The following ITFG2 variants were observed in gnomAD, a reference collection of about 807,000 sequenced individuals.
The protein encoded by ITFG2 is KICSTOR complex protein ITFG2.
In ITFG2, 36 loss-of-function variants were observed where a neutral mutation model predicts 54.4. The ratio of observed to expected loss-of-function variants is 0.66; its 90% CI spans 0.51 to 0.87. The LOEUF is 0.87. Ranked by LOEUF, ITFG2 falls within the 40% of genes least tolerant of loss-of-function variation. ITFG2 has a pLI of 0.00. For synonymous variants in ITFG2, 211 were observed against 225.4 expected (o/e 0.94, Z 0.57); for missense variants, 524 against 576.7 (o/e 0.91, Z 0.94).
intron 2 of ITFG2, among the ~76,000 whole-genome samples, chr12:2,844,976 G>T (rs141341249): frequency 0.016 from 2,370 of 152,304 alleles, 37 homozygotes; most frequent in Non-Finnish European, 0.025. Context: ...CTCTGCCCTG[G>T]GACTGGCAGG....
chr12:2,845,470 C>T lies in ITFG2; in HGVS notation n.300+4475C>T, dbSNP rs143806464. On this transcript the variant is annotated intron_variant and non_coding_transcript_variant, in intron 2 of 3. Coordinates refer to the ITFG2 transcript ENST00000537710. This position sits in a 1 kb window ranked among gnomAD's most constrained non-coding sequence, Gnocchi z 4.2. Reference sequence around the variant, plus strand: ...AAGCTCCCAGCAGCTCAGGAACTTGCGTCAGCAGCTCAGGTCATGACACCA... The same window carrying T: ...AAGCTCCCAGCAGCTCAGGAACTTGTGTCAGCAGCTCAGGTCATGACACCA... Among the ~76,000 whole-genome samples the T allele has an allele frequency of 5.9e-5, 9 of 152,064 alleles. No homozygotes were observed. The highest frequency in any genetic ancestry group is 1.0e-4 in the Non-Finnish European group (7 of 68,020).
downstream of ITFG2, among the ~76,000 whole-genome samples, chr12:2,829,395 A>G (rs1308161002): frequency 1.3e-5 from 2 of 152,244 alleles, no homozygotes; most frequent in East Asian, 3.8e-4. Flanking sequence ...CGGAAGGTAT[A>G]TCAATGAATG....
intron 2 of ITFG2, among the ~76,000 whole-genome samples, chr12:2,854,549 C>T (rs1383960029): frequency 5.3e-5 from 8 of 152,008 alleles, no homozygotes; most frequent in Non-Finnish European, 1.0e-4. Flanking sequence ...TTACAACACC[C>T]CCTGTCTCGC....
intron 2 of ITFG2, chr12:2,856,847 T>C (rs970327378): frequency 2.7e-5 from 18 of 674,106 alleles, no homozygotes; most frequent in South Asian, 1.5e-5. Context: ...AGAAAATGTA[T>C]GGGCCAGGCA....
At chr12:2,836,327 C>G (rs1421850716), upstream of ITFG2, among the ~76,000 whole-genome samples, 2 of 152,192 alleles carry the variant, frequency 1.3e-5, no homozygotes, top group Non-Finnish European at 1.5e-5. Flanking sequence ...CCAGCCTTTC[C>G]TCTTCACCAT....
At chr12:2,825,223 A>T (rs1434009843), downstream of ITFG2, 1 of 152,090 alleles carries the variant, frequency 6.6e-6, no homozygotes. Context: ...AATTATACTG[A>T]CCCTAGTCAG....
downstream of ITFG2, chr12:2,825,642 C>G (rs2097962914): frequency 6.5e-6 from 1 of 153,042 alleles, no homozygotes. Flanking sequence ...CCAGGTGTCA[C>G]AGGCAGCTCC....
chr12:2,837,933 C>T (rs748638017), intron 1 of ITFG2, among the ~76,000 whole-genome samples: 1 of 152,136 alleles, frequency 6.6e-6, no homozygotes, highest in African/African-American at 2.4e-5. Flanking sequence ...GTTCAATTTA[C>T]GCTGTGCCTA....
intron 2 of ITFG2, among the ~76,000 whole-genome samples, chr12:2,851,601 C>G (rs1395773757): frequency 1.3e-5 from 2 of 152,102 alleles, no homozygotes; most frequent in Non-Finnish European, 2.9e-5. Context: ...CCTTGGCCTC[C>G]CAGAGTGTTG....
chr12:2,838,521 G>A (rs1313133071), intron 1 of ITFG2, among the ~76,000 whole-genome samples: 2 of 152,170 alleles, frequency 1.3e-5, no homozygotes, highest in Non-Finnish European at 2.9e-5. Context: ...GGAGTTTGGA[G>A]TTTGGAGTGG....
intron 5 of ITFG2, 96 bp downstream of exon 5, chr12:2,820,321 G>A (rs2097939062): frequency 2.2e-6 from 3 of 1,395,188 alleles, no homozygotes; most frequent in Admixed American, 2.8e-5. Context: ...CAGGGCCAGG[G>A]TGGGGAGAAG....
Position 2,838,033 on chromosome 12 carries a change from G to A in ITFG2, n.146+1077G>A, listed in dbSNP as rs114048047. Among the ~76,000 whole-genome samples the A allele has an allele frequency of 9.8e-3, 1,492 of 152,202 alleles. 23 individuals carry two copies. Among genetic ancestry groups the A allele is most frequent in the African/African-American group, 0.034 (1,396 of 41,542 alleles). ...CTCAAGATTTGCCCCACCCAGAGCC[G>A]AGCTTCATTTAGACTTAGCTTTAGT... On this transcript the variant is annotated intron_variant and non_coding_transcript_variant, in intron 1 of 3. Transcript: ENST00000537710.
intron 3 of ITFG2, chr12:2,858,679 C>T (rs1159130429): frequency 1.2e-6 from 2 of 1,614,054 alleles, no homozygotes; most frequent in East Asian, 2.2e-5. Flanking sequence ...TTGATGTTGT[C>T]AGGGCCCAGT....
At chr12:2,836,831 A>G (rs1327270718) in exon 1 of ITFG2, 3 of 152,248 alleles carry the variant, frequency 2.0e-5, no homozygotes, top group African/African-American at 4.8e-5. Flanking sequence ...AAGCCAAGGA[A>G]CACCTAAGAG....
chr12:2,830,547 G>A (rs2097996208), intron 2 of ITFG2: 2 of 665,656 alleles, frequency 3.0e-6, no homozygotes, highest in Middle Eastern at 4.2e-4. Flanking sequence ...GCTTGGGGCA[G>A]GGAGGAAGGA....
intron 2 of ITFG2, 61 bp from the exon 3 acceptor site, chr12:2,817,847 CA>C: frequency 6.6e-7 from 1 of 1,508,202 alleles, no homozygotes; most frequent in Non-Finnish European, 9.0e-7. Flanking sequence ...TCCTGCTTCA[CA>C]GAGATCAGGG....
At chr12:2,819,756 T>TG (rs1476970151) in intron 4 of ITFG2, 42 of 197,790 alleles carry the variant, frequency 2.1e-4, no homozygotes, top group Non-Finnish European at 3.0e-4. Context: ...TAACATTTGG[T>TG]GAAAAAAAAA....
chr12:2,858,918 T>G lies in ITFG2; in HGVS notation n.620+587T>G, dbSNP rs903678903. 9 of 1,613,552 alleles carry G rather than the reference T, an allele frequency of 5.6e-6. No homozygotes were observed. In the African/African-American group the frequency reaches 9.4e-5, roughly 17 times the overall value. On this transcript the variant is annotated intron_variant and non_coding_transcript_variant, in intron 3 of 3. Transcript: ENST00000537710. ...TGAACTGAGGAGCCTTTGCGGTGAT[T>G]CAAGGGGGGGAGCACTTTGCAAGGG...
intron 3 of ITFG2, chr12:2,859,245 A>C (rs766746704): frequency 6.2e-7 from 1 of 1,613,674 alleles, no homozygotes; most frequent in Middle Eastern, 1.6e-4. Context: ...CCCCTCTGAG[A>C]AGAGCAGCTC....
Sources: allele counts gnomAD v4.1 joint callset (sites outside exome capture counted in the v4.1 genomes callset), GRCh38; gene constraint gnomAD v4.1.1; non-coding constraint Gnocchi (gnomAD v3.1); transcripts MANE v1.5; gene names NCBI Gene and HGNC (gene_info 2026-07-23, HGNC 2026-07-21).